Variants in PBX3 observed in about 807,000 individuals in gnomAD.
The protein encoded by PBX3 is pre-B-cell leukemia transcription factor 3.
PBX3 carries 14 observed loss-of-function variants against 48.5 expected under a neutral mutation model. The observed-to-expected ratio is 0.29, with a 90% CI of 0.19 to 0.45. PBX3 has a LOEUF of 0.45. Among genes scored for constraint, PBX3 ranks in the 20% least tolerant of loss-of-function variants. The pLI is 1.00. For synonymous variants in PBX3, 210 were observed against 200.3 expected (o/e 1.05, Z -0.41); for missense variants, 386 against 546.7 (o/e 0.71, Z 2.93).
intron 2 of PBX3, among the ~76,000 whole-genome samples, chr9:125,909,164 TCTTCA>T (rs375011759): frequency 4.3e-4 from 66 of 152,298 alleles, no homozygotes; most frequent in African/African-American, 1.5e-3. Context: ...TCTTGGCTGC[TCTTCA>T]CTTCACAGTG....
chr9:125,772,379 A>G (rs1836962512), intron 2 of PBX3, among the ~76,000 whole-genome samples: 1 of 152,172 alleles, frequency 6.6e-6, no homozygotes, highest in Non-Finnish European at 1.5e-5. Flanking sequence ...GTAGCTTGGC[A>G]CATCTTAACA....
chr9:125,933,279 C>T (rs763098080), intron 4 of PBX3, among the ~76,000 whole-genome samples: 2 of 152,206 alleles, frequency 1.3e-5, no homozygotes, highest in African/African-American at 2.4e-5. Context: ...CATAATTGGA[C>T]AAGACGAAGC....
intron 2 of PBX3, among the ~76,000 whole-genome samples, chr9:125,799,235 C>T (rs1837868752): frequency 6.6e-6 from 1 of 152,104 alleles, no homozygotes; most frequent in African/African-American, 2.4e-5. Flanking sequence ...AAGAAGCAGG[C>T]CGGTTCAGTG....
chr9:125,819,748 C>T (rs1838592968), intron 2 of PBX3, among the ~76,000 whole-genome samples: 1 of 152,026 alleles, frequency 6.6e-6, no homozygotes, highest in Non-Finnish European at 1.5e-5. Flanking sequence ...TGTATATATA[C>T]ACAATGTAAC....
chr9:125,816,596 A>G lies in PBX3; in HGVS notation c.274+67973A>G, dbSNP rs1838471126. 3.9e-5 allele frequency among the ~76,000 whole-genome samples: 6 copies of G among 152,322 alleles called. No homozygotes were observed. The South Asian group carries it at 1.2e-3, about 32-fold the overall frequency. On this transcript the variant is annotated intron_variant, in intron 2 of 8. Transcript: ENST00000373489. The stretch of plus-strand genomic sequence containing the variant: ...GAGCGGCTAAGTAAGGGATTTACGG[A>G]TGGTCACTTGCCTGAGTAAGTTGCA...
intron 2 of PBX3, among the ~76,000 whole-genome samples, chr9:125,823,610 T>C (rs1290516578): frequency 6.6e-6 from 1 of 152,132 alleles, no homozygotes; most frequent in African/African-American, 2.4e-5. Context: ...AATTTCTGTG[T>C]TAGCTACTTT....
intron 2 of PBX3, among the ~76,000 whole-genome samples, chr9:125,855,651 T>C (rs1006461086): frequency 6.6e-6 from 1 of 152,206 alleles, no homozygotes; most frequent in African/African-American, 2.4e-5. Flanking sequence ...TGGGTTTTGT[T>C]GTGATTTTGC....
At chr9:125,913,500 G>A (rs1841253530) in intron 2 of PBX3, among the ~76,000 whole-genome samples, 1 of 152,096 alleles carries the variant, frequency 6.6e-6, no homozygotes, top group South Asian at 2.1e-4. Context: ...ATGTATAAAA[G>A]TATCATAGAT....
intron 2 of PBX3, among the ~76,000 whole-genome samples, chr9:125,894,931 A>C (rs1196369100): frequency 6.6e-6 from 1 of 152,100 alleles, no homozygotes; most frequent in African/African-American, 2.4e-5. Context: ...AGGAAATAAC[A>C]TTGCAGTATA....
intron 2 of PBX3, among the ~76,000 whole-genome samples, chr9:125,862,835 T>C (rs1207355923): frequency 6.6e-6 from 1 of 152,172 alleles, no homozygotes; most frequent in Admixed American, 6.6e-5. Flanking sequence ...TTTAGGACTG[T>C]ATTAAATTTA....
At chr9:125,922,132 A>G (rs1841470568) in intron 3 of PBX3, among the ~76,000 whole-genome samples, 1 of 152,192 alleles carries the variant, frequency 6.6e-6, no homozygotes, top group Admixed American at 6.5e-5. Flanking sequence ...TGTAAACCAA[A>G]TATGTACAGA....
chr9:125,926,480 A>C (rs1841579195), intron 3 of PBX3, among the ~76,000 whole-genome samples: 1 of 152,072 alleles, frequency 6.6e-6, no homozygotes, highest in African/African-American at 2.4e-5. Context: ...AGATCATGCC[A>C]CTGCACTCCA....
At chr9:125,780,820 A>G (rs1588140049) in intron 2 of PBX3, among the ~76,000 whole-genome samples, 1 of 141,290 alleles carries the variant, frequency 7.1e-6, no homozygotes, top group South Asian at 2.3e-4. Context: ...CCGGGCGGAG[A>G]CGCTCCTCAC....
intron 2 of PBX3, among the ~76,000 whole-genome samples, chr9:125,856,769 T>C (rs1419257258): frequency 6.6e-6 from 1 of 152,210 alleles, no homozygotes; most frequent in Non-Finnish European, 1.5e-5. Context: ...TTCATATGAC[T>C]GTCATGTACA....
chr9:125,914,792 T>C (rs1442853006), intron 2 of PBX3, among the ~76,000 whole-genome samples: 2 of 152,226 alleles, frequency 1.3e-5, no homozygotes, highest in African/African-American at 2.4e-5. Flanking sequence ...CTGTCATGAC[T>C]CCAATGCTTT....
intron 2 of PBX3, among the ~76,000 whole-genome samples, chr9:125,794,956 A>T (rs1837734934): frequency 6.6e-6 from 1 of 152,166 alleles, no homozygotes; most frequent in Admixed American, 6.5e-5. Context: ...CTCAAACTGA[A>T]TTCAGTATTG....
chr9:125,814,128 A>G (rs1054478671), intron 2 of PBX3, among the ~76,000 whole-genome samples: 2 of 112,090 alleles, frequency 1.8e-5, no homozygotes, highest in Admixed American at 2.3e-4. Context: ...ACGCTATTGC[A>G]CTCCAGCCTG....
At position 125,747,431 on chromosome 9, in the gene PBX3, C is replaced by A. The variant is rs780200787; in HGVS notation, c.-23C>A. ...CTCAGCCTTCGCCTCAGCCGCCGCC[C>A]GCTCCCGCCCGCGCGCGGCGGGATG... On this transcript the variant is annotated 5_prime_UTR_variant, in exon 1 of 9. Transcript: ENST00000373489. 6.9e-6 allele frequency: 10 copies of A among 1,447,886 alleles called. No individual in the cohort carries two copies. The highest frequency in any genetic ancestry group is 1.4e-5 in the South Asian group (1 of 71,550). 89.7% of individuals were successfully genotyped at this position (1,447,886 alleles called of 1,614,324 possible).
intron 2 of PBX3, among the ~76,000 whole-genome samples, chr9:125,791,293 GTCTGTCTGTCTA>G (rs1183212196): frequency 3.5e-3 from 443 of 127,776 alleles, no homozygotes; most frequent in Middle Eastern, 7.8e-3. Context: ...CTGTCTGTCT[GTCTGTCTGTCTA>G]TCTATCTATC....
Sources: allele counts gnomAD v4.1 joint callset (sites outside exome capture counted in the v4.1 genomes callset), GRCh38; gene constraint gnomAD v4.1.1; transcripts MANE v1.5; gene names NCBI Gene and HGNC (gene_info 2026-07-23, HGNC 2026-07-21).